CNBD1: variants seen among roughly 807,000 people sequenced by gnomAD.
The protein encoded by CNBD1 is cyclic nucleotide binding domain containing 1, also known as cyclic nucleotide-binding domain-containing protein 1.
CNBD1 carries 71 observed loss-of-function variants against 54.4 expected under a neutral mutation model. That is an observed-to-expected ratio of 1.30 (90% confidence interval 1.08 to 1.59). The LOEUF is 1.59. Ranked by LOEUF, CNBD1 falls within the 40% of genes most tolerant of loss-of-function variation. CNBD1 has a pLI of 0.00. For missense variants in CNBD1, 659 were observed against 518.0 expected (o/e 1.27, Z -2.64); for synonymous variants, 182 against 170.7 (o/e 1.07, Z -0.51).
At chr8:87,228,552 CG>C (rs1814571406) in intron 5 of CNBD1, among the ~76,000 whole-genome samples, 1 of 150,530 alleles carries the variant, frequency 6.6e-6, no homozygotes, top group Admixed American at 6.6e-5. Flanking sequence ...TTAGGCTGCT[CG>C]GGGGTCAGGG....
rs1256485213 is a variant in CNBD1 at position 86,870,579 on chromosome 8, CTG to C, written c.88+4000_88+4001del. Among the ~76,000 whole-genome samples the C allele has an allele frequency of 2.6e-5, 4 of 152,116 alleles. No individual in the cohort carries two copies. The East Asian group carries it at 7.7e-4, about 29-fold the overall frequency. ...TACATTTACTGCAAATCTGAAAACA[CTG>C]TGTCATCATTCCTAAGCGTTCAAAG... is the stretch of plus-strand genomic sequence containing the variant. On this transcript the variant is annotated intron_variant, in intron 1 of 10. Transcript: ENST00000518476.
At chr8:87,159,583 C>A (rs1812814160) in intron 4 of CNBD1, among the ~76,000 whole-genome samples, 1 of 152,010 alleles carries the variant, frequency 6.6e-6, no homozygotes, top group African/African-American at 2.4e-5. Flanking sequence ...CTGTGTCCCA[C>A]CTTTTAAGGT....
intron 4 of CNBD1, among the ~76,000 whole-genome samples, chr8:87,136,333 T>C (rs1425426015): frequency 6.6e-6 from 1 of 151,044 alleles, no homozygotes; most frequent in Non-Finnish European, 1.5e-5. Flanking sequence ...ATATGAAATG[T>C]GGTATGATTC....
At chr8:86,877,631 C>G (rs545008291) in intron 1 of CNBD1, among the ~76,000 whole-genome samples, 1 of 152,190 alleles carries the variant, frequency 6.6e-6, no homozygotes, top group East Asian at 1.9e-4. Flanking sequence ...AGCTGCTAAT[C>G]GAGTAACACC....
rs140669613 is a variant in CNBD1, at chr8:87,350,110, G to T, written c.1043-1575G>T. On this transcript the variant is annotated intron_variant, in intron 8 of 10. Coordinates refer to ENST00000518476, the MANE Select transcript of CNBD1 (RefSeq NM_173538.3). ...TATCCTTGCTGATTGACTAAAAGAA[G>T]ATACATAGTTTCTACTATCATATGT... 2.6e-3 allele frequency among the ~76,000 whole-genome samples: 397 copies of T among 152,188 alleles called. 3 individuals are homozygous for T. Among genetic ancestry groups the T allele is most frequent in the African/African-American group, 9.0e-3 (374 of 41,532 alleles).
intron 10 of CNBD1, among the ~76,000 whole-genome samples, chr8:87,373,213 G>T (rs1251211950): frequency 6.6e-6 from 1 of 151,684 alleles, no homozygotes; most frequent in Non-Finnish European, 1.5e-5. Flanking sequence ...AGACTTTTCT[G>T]CAAATGATGA....
At chr8:87,209,812 C>T (rs1007548837) in intron 5 of CNBD1, among the ~76,000 whole-genome samples, 1 of 152,124 alleles carries the variant, frequency 6.6e-6, no homozygotes, top group Non-Finnish European at 1.5e-5. Context: ...AAGGCAATGG[C>T]ATAAAAACAG....
chr8:86,866,436 A>T lies in CNBD1; in HGVS notation c.-60A>T, dbSNP rs1441836049. ...TTCTGCTTTATGAGCCTGCAGGCAAAGAGTGATCATTTGCCTCTCAAGCAG... is the reference window on the plus strand; with the variant it reads ...TTCTGCTTTATGAGCCTGCAGGCAATGAGTGATCATTTGCCTCTCAAGCAG... On this transcript the variant is annotated 5_prime_UTR_variant, in exon 1 of 11. It adds an upstream start codon to the 5' untranslated region. Transcript: ENST00000518476. 8.1e-7 allele frequency: 1 copy of T among 1,228,686 alleles called. No homozygotes were observed. Among genetic ancestry groups the T allele is most frequent in the African/African-American group, 1.5e-5 (1 of 66,940 alleles). The allele number at this position is 1,228,686 out of a possible 1,614,324, so 76.1% of individuals were successfully genotyped here.
At chr8:87,386,793 GA>G, downstream of CNBD1, among the ~76,000 whole-genome samples, 1 of 152,190 alleles carries the variant, frequency 6.6e-6, no homozygotes, top group African/African-American at 2.4e-5. Flanking sequence ...GCAACTCCAA[GA>G]CACATAATTG....
intron 4 of CNBD1, among the ~76,000 whole-genome samples, chr8:87,140,104 A>C (rs1166892740): frequency 1.3e-5 from 2 of 152,206 alleles, no homozygotes; most frequent in Non-Finnish European, 2.9e-5. Flanking sequence ...TGTGTCCCAC[A>C]CAGAATAGTC....
chr8:87,385,963 A>T (rs1554585553), downstream of CNBD1, among the ~76,000 whole-genome samples: 1 of 152,122 alleles, frequency 6.6e-6, no homozygotes, highest in Non-Finnish European at 1.5e-5. Context: ...GTTCACCAAT[A>T]TCCGCTGTTC....
intron 4 of CNBD1, among the ~76,000 whole-genome samples, chr8:87,175,995 T>C (rs1402565042): frequency 1.3e-5 from 2 of 152,186 alleles, no homozygotes; most frequent in Non-Finnish European, 2.9e-5. Context: ...TCTGCTGTGA[T>C]AGGGCAGCAC....
intron 4 of CNBD1, among the ~76,000 whole-genome samples, chr8:87,179,550 T>A (rs2130776141): frequency 6.6e-6 from 1 of 152,264 alleles, no homozygotes; most frequent in South Asian, 2.1e-4. Context: ...GAAGCAGAAA[T>A]AACTTGATAA....
chr8:87,324,540 A>G (rs902390755), intron 8 of CNBD1, among the ~76,000 whole-genome samples: 2 of 145,280 alleles, frequency 1.4e-5, no homozygotes, highest in Admixed American at 1.4e-4. Flanking sequence ...GGGAGAGTGT[A>G]TGTGTCAAGG....
At chr8:87,205,405 T>G (rs552485954) in intron 4 of CNBD1, among the ~76,000 whole-genome samples, 52 of 152,176 alleles carry the variant, frequency 3.4e-4, no homozygotes, top group Non-Finnish European at 6.3e-4. Flanking sequence ...GATAGGAATT[T>G]TATATCCTGA....
intron 5 of CNBD1, among the ~76,000 whole-genome samples, chr8:87,224,877 A>G (rs1814441724): frequency 6.6e-6 from 1 of 151,930 alleles, no homozygotes; most frequent in East Asian, 1.9e-4. Flanking sequence ...ACCCATGAGC[A>G]TGGAATGTTC....
chr8:87,126,571 C>A (rs1811993720), intron 4 of CNBD1, among the ~76,000 whole-genome samples: 1 of 151,868 alleles, frequency 6.6e-6, no homozygotes, highest in South Asian at 2.1e-4. Context: ...ATGTAATTTG[C>A]AAATATTTTC....
At chr8:87,395,542 G>GT (rs1446018405) in intron 2 of CNBD1, among the ~76,000 whole-genome samples, 1 of 146,242 alleles carries the variant, frequency 6.8e-6, no homozygotes, top group Non-Finnish European at 1.5e-5. Flanking sequence ...AATATTAAAA[G>GT]TATTGTTATC....
chr8:87,298,547 C>A (rs1563542327), intron 8 of CNBD1, among the ~76,000 whole-genome samples: 1 of 147,606 alleles, frequency 6.8e-6, no homozygotes, highest in Non-Finnish European at 1.5e-5. Flanking sequence ...TACAGTGGAG[C>A]AATCTTGGCT....
Sources: gnomAD v4.1 joint callset for allele counts (sites outside exome capture counted in the v4.1 genomes callset) on GRCh38, gnomAD v4.1.1 for gene constraint, MANE v1.5 for transcripts, NCBI Gene and HGNC (gene_info 2026-07-23, HGNC 2026-07-21) for gene names.